LSAMP: variants seen among roughly 807,000 people sequenced by gnomAD.
LSAMP encodes limbic system associated membrane protein.
LSAMP carries 7 observed loss-of-function variants against 38.6 expected under a neutral mutation model. The ratio of observed to expected loss-of-function variants is 0.18; its 90% CI spans 0.10 to 0.34. LSAMP has a LOEUF of 0.34. Ranked by LOEUF, LSAMP falls within the 10% of genes least tolerant of loss-of-function variation. LSAMP has a pLI of 1.00. For missense variants in LSAMP, 313 were observed against 420.0 expected (o/e 0.75, Z 2.23); for synonymous variants, 154 against 166.8 (o/e 0.92, Z 0.59).
chr3:116,301,397 AAAATAAAT>A (rs778619728), intron 1 of LSAMP, among the ~76,000 whole-genome samples: 4 of 152,198 alleles, frequency 2.6e-5, no homozygotes, highest in Non-Finnish European at 5.9e-5. Context: ...CAAACAAACA[AAAATAAAT>A]AAAACAAAAT....
rs115256742 is a variant in LSAMP, at chr3:116,436,010, C to T, written c.155+8867G>A. 3.6e-3 allele frequency among the ~76,000 whole-genome samples: 545 copies of T among 152,196 alleles called. 3 individuals are homozygous for T. Among genetic ancestry groups the T allele is most frequent in the Non-Finnish European group, 6.0e-3 (406 of 68,010 alleles). ...GAAAAGAATTTTCTTAAAAGGGGGC[C>T]GGGGTTGTGAGGAACAAGTGATCCT... On this transcript the variant is annotated intron_variant, in intron 1 of 6. Transcript: ENST00000490035.
chr3:116,091,950 T>C (rs1181254298), intron 1 of LSAMP, among the ~76,000 whole-genome samples: 1 of 152,202 alleles, frequency 6.6e-6, no homozygotes, highest in Non-Finnish European at 1.5e-5. Context: ...TGTAACCTTC[T>C]TAAAACTTCC....
chr3:115,990,045 G>A (rs967724246), intron 3 of LSAMP, among the ~76,000 whole-genome samples: 1 of 152,054 alleles, frequency 6.6e-6, no homozygotes, highest in South Asian at 2.1e-4. Flanking sequence ...TCTGAACTGA[G>A]TGTGTTGAGA....
intron 2 of LSAMP, among the ~76,000 whole-genome samples, chr3:116,039,022 C>T (rs1161206252): frequency 2.6e-5 from 4 of 152,022 alleles, no homozygotes; most frequent in African/African-American, 9.7e-5. Flanking sequence ...TTCTTTTTTT[C>T]CCTGCCAGTG....
At chr3:116,179,203 CAGT>C (rs749256214) in intron 1 of LSAMP, among the ~76,000 whole-genome samples, 6 of 152,158 alleles carry the variant, frequency 3.9e-5, no homozygotes, top group Non-Finnish European at 7.3e-5. Context: ...TGCTGTACTT[CAGT>C]CCCCACAAAA....
intron 3 of LSAMP, among the ~76,000 whole-genome samples, chr3:115,993,573 T>A (rs1939731931): frequency 6.6e-6 from 1 of 152,066 alleles, no homozygotes; most frequent in South Asian, 2.1e-4. Flanking sequence ...GTTATGTTAA[T>A]TTGATTATTT....
chr3:115,914,779 A>G (rs969832597), intron 3 of LSAMP, among the ~76,000 whole-genome samples: 11 of 152,018 alleles, frequency 7.2e-5, no homozygotes, highest in African/African-American at 2.4e-4. Flanking sequence ...ATAAAACCCT[A>G]CCTGTTGTGT....
At chr3:115,849,257 A>G (rs1935255698) in intron 4 of LSAMP, among the ~76,000 whole-genome samples, 1 of 152,222 alleles carries the variant, frequency 6.6e-6, no homozygotes, top group African/African-American at 2.4e-5. Context: ...TGCATGTAAA[A>G]GTGGCTATGT....
intron 1 of LSAMP, among the ~76,000 whole-genome samples, chr3:116,197,076 C>T (rs963059807): frequency 3.3e-5 from 5 of 151,640 alleles, no homozygotes; most frequent in Admixed American, 6.6e-5. Flanking sequence ...TATCAGCAGT[C>T]TCTGATAAAA....
At chr3:116,386,673 A>G (rs2048630383) in intron 1 of LSAMP, among the ~76,000 whole-genome samples, 1 of 152,114 alleles carries the variant, frequency 6.6e-6, no homozygotes, top group South Asian at 2.1e-4. Flanking sequence ...GTATCTTGCT[A>G]TGCTGCCTAG....
chr3:115,959,649 T>A (rs1938563067), intron 3 of LSAMP, among the ~76,000 whole-genome samples: 1 of 152,206 alleles, frequency 6.6e-6, no homozygotes, highest in Non-Finnish European at 1.5e-5. Flanking sequence ...TGCTTCAGTT[T>A]CCCTATCTAC....
chr3:116,206,811 G>C (rs888289478), intron 1 of LSAMP, among the ~76,000 whole-genome samples: 4 of 151,236 alleles, frequency 2.6e-5, no homozygotes, highest in African/African-American at 9.7e-5. Context: ...GCTGAGGAGA[G>C]CTTTACTTCC....
chr3:115,896,090 T>C (rs1234492766), intron 3 of LSAMP, among the ~76,000 whole-genome samples: 2 of 152,120 alleles, frequency 1.3e-5, no homozygotes, highest in Non-Finnish European at 2.9e-5. Flanking sequence ...TTTTGTTGTT[T>C]ATGTTTTTAT....
At chr3:116,178,969 A>C (rs903952421) in intron 1 of LSAMP, among the ~76,000 whole-genome samples, 1 of 151,790 alleles carries the variant, frequency 6.6e-6, no homozygotes, top group African/African-American at 2.4e-5. Flanking sequence ...TTTACATTTC[A>C]TGTGAAGATA....
chr3:116,316,117 G>C (rs17702806), intron 1 of LSAMP, among the ~76,000 whole-genome samples: 8,268 of 152,242 alleles, frequency 0.054, 271 homozygotes, highest in Middle Eastern at 0.092. Context: ...GTGGGACCTA[G>C]AGAGAAACAG....
intron 1 of LSAMP, among the ~76,000 whole-genome samples, chr3:116,288,401 G>T (rs1352455988): frequency 6.6e-6 from 1 of 152,170 alleles, no homozygotes; most frequent in African/African-American, 2.4e-5. Context: ...CATTTAGCCA[G>T]TGCCTGCTCC....
At chr3:115,883,325 T>C (rs748221081) in intron 3 of LSAMP, among the ~76,000 whole-genome samples, 5 of 151,584 alleles carry the variant, frequency 3.3e-5, no homozygotes, top group Non-Finnish European at 7.4e-5. Flanking sequence ...AACAGAAAGG[T>C]AAATAGAAGA....
chr3:116,260,905 G>A (rs1423927880), intron 1 of LSAMP, among the ~76,000 whole-genome samples: 1 of 152,154 alleles, frequency 6.6e-6, no homozygotes, highest in Non-Finnish European at 1.5e-5. Context: ...ATGAGGTAGA[G>A]GTGCAGGCAG....
chr3:115,904,745 C>A (rs952889929), intron 3 of LSAMP, among the ~76,000 whole-genome samples: 16 of 152,096 alleles, frequency 1.1e-4, no homozygotes, highest in African/African-American at 3.9e-4. Context: ...GGTAACCTGT[C>A]TTACTCATTT....
Sources: allele counts gnomAD v4.1 joint callset (sites outside exome capture counted in the v4.1 genomes callset), GRCh38; gene constraint gnomAD v4.1.1; transcripts MANE v1.5; gene names NCBI Gene and HGNC (gene_info 2026-07-23, HGNC 2026-07-21).